The following NOL12 variants were observed in gnomAD, a reference collection of about 807,000 sequenced individuals.
NOL12 encodes nucleolar protein 12.
A neutral mutation model predicts 25.2 loss-of-function variants in NOL12; 21 were observed. That is an observed-to-expected ratio of 0.83 (90% CI 0.59 to 1.20). The LOEUF is 1.20. Among genes scored for constraint, NOL12 ranks in the 50% most tolerant of loss-of-function variants. NOL12 has a pLI of 0.00. For synonymous variants in NOL12, 133 were observed against 113.8 expected, an observed-to-expected ratio of 1.17 and a Z score of -1.08; for missense variants, 286 against 287.6, an observed-to-expected ratio of 0.99 and a Z score of 0.04.
chr22:37,691,470 C>T lies in NOL12; in HGVS notation c.*134C>T. ...GGTTGGGAAGCCAGGACCTCTCTGG[C>T]CTGGGGCCAGCTGCCTTTGCCTGGG... On this transcript the variant is annotated 3_prime_UTR_variant, in exon 6 of 6. Transcript: ENST00000359114. 2.9e-6 allele frequency: 3 copies of T among 1,032,466 alleles called. No homozygotes were observed. Among genetic ancestry groups the T allele is most frequent in the South Asian group, 2.4e-5 (1 of 41,622 alleles). The allele number at this position is 1,032,466 out of a possible 1,614,324, so 64.0% of individuals were successfully genotyped here. A position where few individuals can be genotyped will look rare whatever the true frequency, so the allele number is the denominator to read the frequency against.
chr22:37,688,263 T>A (rs765030665), intron 2 of NOL12, 49 bp from the exon 3 acceptor site: 12 of 1,590,616 alleles, frequency 7.5e-6, no homozygotes, highest in Non-Finnish European at 1.0e-5. Flanking sequence ...CAGCCTGAGG[T>A]TGGACTGAGA....
chr22:37,691,486 T>C lies in NOL12; in HGVS notation c.*150T>C. 1 of 347,044 alleles carries C rather than the reference T, an allele frequency of 2.9e-6. No individual in the cohort carries two copies. Among genetic ancestry groups the C allele is most frequent in the Non-Finnish European group, 3.9e-6 (1 of 257,776 alleles). The allele number at this position is 347,044 out of a possible 1,614,324, so 21.5% of individuals were successfully genotyped here. ...CCTCTCTGGCCTGGGGCCAGCTGCC[T>C]TTGCCTGGGGTCAGCTGCCTTTGCC... On this transcript the variant is annotated 3_prime_UTR_variant, in exon 6 of 6. Coordinates refer to ENST00000359114, the MANE Select transcript of NOL12 (RefSeq NM_024313.3).
At position 37,691,307 on chromosome 22, in the gene NOL12, A is replaced by G; in HGVS notation, c.613A>G (p.Thr205Ala). The change falls in exon 6 of 6, where the codon ACA becomes GCA. Residue 205 changes from threonine to alanine, a missense_variant. Thr to Ala is a moderately conservative substitution (Grantham distance 58, BLOSUM62 0). Coordinates refer to ENST00000359114, the MANE Select transcript of NOL12 (RefSeq NM_024313.3). The stretch of plus-strand genomic sequence containing the variant: ...CAGCAAGGCCCAGCGCCGCCGTCTC[A>G]CAGGCAAAGCACGGCACAGCGGGGA... ...RTSKAQRRRLTGKARHSGE is the reference protein window; with the variant it reads ...RTSKAQRRRLAGKARHSGE 1 of 1,613,482 alleles carries G rather than the reference A, an allele frequency of 6.2e-7. No homozygotes were observed. The highest frequency in any genetic ancestry group is 8.5e-7 in the Non-Finnish European group (1 of 1,179,716).
At position 37,691,498 on chromosome 22, in the gene NOL12, C is replaced by G. The variant is rs370604239; in HGVS notation, c.*162C>G. 8 of 383,916 alleles carry G rather than the reference C, an allele frequency of 2.1e-5. No homozygotes were observed. Among genetic ancestry groups the G allele is most frequent in the Non-Finnish European group, 3.0e-5 (8 of 266,994 alleles). 23.8% of individuals were successfully genotyped at this position (383,916 alleles called of 1,614,324 possible). ...GGGGCCAGCTGCCTTTGCCTGGGGT[C>G]AGCTGCCTTTGCCTGGGGTTTGAAT... On this transcript the variant is annotated 3_prime_UTR_variant, in exon 6 of 6. Coordinates refer to ENST00000359114, the MANE Select transcript of NOL12 (RefSeq NM_024313.3).
intron 4 of NOL12, among the ~76,000 whole-genome samples, chr22:37,689,514 A>G (rs911099126): frequency 1.3e-5 from 2 of 152,196 alleles, no homozygotes; most frequent in African/African-American, 2.4e-5. Flanking sequence ...GTTGTGAATC[A>G]TGAGTAGGTT....
At chr22:37,688,104 G>T (rs1921903990) in intron 2 of NOL12, 89 bp downstream of exon 2, 3 of 1,239,868 alleles carry the variant, frequency 2.4e-6, no homozygotes, top group Non-Finnish European at 3.5e-6. Context: ...TGCTGGCATG[G>T]GGCGATGTGT....
rs1922068134 is a variant in NOL12, at chr22:37,691,587, G to T, written c.*251G>T. The T allele has an allele frequency of 6.9e-6, 3 of 432,122 alleles. No homozygotes were observed. The highest frequency in any genetic ancestry group is 1.2e-5 in the Non-Finnish European group (3 of 247,168). 26.8% of individuals were successfully genotyped at this position (432,122 alleles called of 1,614,324 possible). ...GGAAGAGCCTTCAGAGCCACGTGGG[G>T]GCATCTTCCCAAATGTGCACCCCAC... On this transcript the variant is annotated 3_prime_UTR_variant, in exon 6 of 6. Transcript: ENST00000359114.
chr22:37,686,669 C>T lies in NOL12; in HGVS notation c.83+194C>T, dbSNP rs996116569. On this transcript the variant is annotated intron_variant, in intron 1 of 5. Transcript: ENST00000359114. ...CGCCACCTTCTCCCTTCTTGACCTCCCCACCTCGCCTAGTGTCTGTGCGCC... is the reference window on the plus strand; with the variant it reads ...CGCCACCTTCTCCCTTCTTGACCTCTCCACCTCGCCTAGTGTCTGTGCGCC... 7.1e-6 allele frequency: 7 copies of T among 985,328 alleles called. No homozygotes were observed. The African/African-American group carries it at 1.2e-4, about 17-fold the overall frequency. 61.0% of individuals were successfully genotyped at this position (985,328 alleles called of 1,614,324 possible). A position where few individuals can be genotyped will look rare whatever the true frequency, so the allele number is the denominator to read the frequency against.
intron 1 of NOL12, 44 bp from the exon 2 acceptor site, chr22:37,687,866 C>A (rs1394808328): frequency 6.8e-7 from 1 of 1,467,856 alleles, no homozygotes; most frequent in Non-Finnish European, 9.3e-7. Flanking sequence ...CCCTTCTCTC[C>A]TTGTATAATG....
At position 37,690,714 on chromosome 22, in the gene NOL12, G is replaced by T; in HGVS notation, c.399G>T (p.Arg133Ser). The T allele has an allele frequency of 6.2e-7, 1 of 1,613,736 alleles. No homozygotes were observed. The highest frequency in any genetic ancestry group is 8.5e-7 in the Non-Finnish European group (1 of 1,179,692). The change falls in exon 5 of 6, where the codon AGG (arginine) becomes AGT (serine). Residue 133 changes from arginine to serine, a missense_variant. Physicochemically the swap from Arg to Ser is moderately radical, Grantham distance 110 (BLOSUM62 -1). Coordinates refer to ENST00000359114, the MANE Select transcript of NOL12 (RefSeq NM_024313.3). ...LTPPEGGAGD[R>S]SEEEASSTEK... ...CTCTTTAGGGAGGGGCTGGAGACAG[G>T]TCTGAGGAGGAGGCGTCATCCACGG... is the stretch of plus-strand genomic sequence containing the variant.
At chr22:37,687,885 GTC>G (rs765056456) in intron 1 of NOL12, 23 bp from the exon 2 acceptor site, 104 of 1,535,294 alleles carry the variant, frequency 6.8e-5, no homozygotes, top group Non-Finnish European at 8.8e-5. Flanking sequence ...TGACTCTCCT[GTC>G]TCTGCCGGCT....
intron 2 of NOL12, 45 bp from the exon 3 acceptor site, chr22:37,688,267 A>G: frequency 6.2e-7 from 1 of 1,601,290 alleles, no homozygotes; most frequent in African/African-American, 1.3e-5. Context: ...CTGAGGTTGG[A>G]CTGAGAGGCC....
chr22:37,690,762 C>G lies in NOL12; in HGVS notation c.447C>G (p.Pro149=), dbSNP rs138812020. ...CGGAGAAACCAACCAAAGCCTTGCC[C>G]AGGAAGTCCAGAGACCCCCTGCTCT... ...SSTEKPTKAL[P]RKSRDPLLSQ... Residue 149 remains proline (P), a synonymous_variant, in exon 5 of 6, where the codon CCC becomes CCG. Coordinates refer to ENST00000359114, the MANE Select transcript of NOL12 (RefSeq NM_024313.3). 1.9e-6 allele frequency: 3 copies of G among 1,613,958 alleles called. No homozygotes were observed. The highest frequency in any genetic ancestry group is 4.5e-5 in the East Asian group (2 of 44,870).
At chr22:37,689,115 G>A in intron 4 of NOL12, 123 bp downstream of exon 4, 1 of 1,212,018 alleles carries the variant, frequency 8.3e-7, no homozygotes, top group Non-Finnish European at 1.2e-6. Flanking sequence ...GGGGCGTGGG[G>A]GCAGACTGGC....
chr22:37,690,600 C>A, intron 4 of NOL12, 97 bp from the exon 5 acceptor site: 2 of 781,324 alleles, frequency 2.6e-6, no homozygotes, highest in African/African-American at 1.7e-5. Flanking sequence ...TGCAGCAGGG[C>A]GCGCCACCAC....
Position 37,691,264 on chromosome 22 carries a change from C to A in NOL12, c.570C>A (p.Pro190=). 1 of 1,614,068 alleles carries A rather than the reference C, an allele frequency of 6.2e-7. No homozygotes were observed. Among genetic ancestry groups the A allele is most frequent in the African/African-American group, 1.3e-5 (1 of 75,062 alleles). The change falls in exon 6 of 6, where the codon CCC becomes CCA. Residue 190 remains proline, a synonymous_variant. Coordinates refer to ENST00000359114, the MANE Select transcript of NOL12 (RefSeq NM_024313.3). ...HPRRAQDSKK[P]PRAPRTSKAQ... ...GACGGGCCCAGGACTCCAAAAAGCC[C>A]CCAAGGGCCCCTCGTACCAGCAAGG...
chr22:37,686,493 A>G lies in NOL12; in HGVS notation c.83+18A>G, dbSNP rs1037627999. Reference sequence around the variant, plus strand: ...AAGAGGCGGTGAGTGGCAAAGCCGGACCGGACTCCCCTCGAGCTGTTCTTC... The same window carrying G: ...AAGAGGCGGTGAGTGGCAAAGCCGGGCCGGACTCCCCTCGAGCTGTTCTTC... On this transcript the variant is annotated intron_variant, in intron 1 of 5. Transcript: ENST00000359114. 6 of 1,583,622 alleles carry G rather than the reference A, an allele frequency of 3.8e-6. No homozygotes were observed. In the African/African-American group the frequency reaches 5.4e-5, roughly 14 times the overall value.
intron 4 of NOL12, among the ~76,000 whole-genome samples, 177 bp downstream of exon 4, chr22:37,689,169 C>T (rs1921955811): frequency 6.6e-6 from 1 of 152,250 alleles, no homozygotes; most frequent in Non-Finnish European, 1.5e-5. Flanking sequence ...GGGTACCCCA[C>T]TGCTGGGGCT....
intron 3 of NOL12, 22 bp from the exon 4 acceptor site, chr22:37,688,828 A>G: frequency 6.2e-7 from 1 of 1,613,534 alleles, no homozygotes; most frequent in Non-Finnish European, 8.5e-7. Context: ...GACTGAGACC[A>G]GGTCTGTGTC....
Sources: allele counts gnomAD v4.1 joint callset (sites outside exome capture counted in the v4.1 genomes callset), GRCh38; gene constraint gnomAD v4.1.1; transcripts MANE v1.5; gene names NCBI Gene and HGNC (gene_info 2026-07-23, HGNC 2026-07-21).